CFAP61: variants seen among roughly 807,000 people sequenced by gnomAD.
CFAP61 encodes cilia and flagella associated protein 61, also known as cilia- and flagella-associated protein 61.
A neutral mutation model predicts 135.6 loss-of-function variants in CFAP61; 107 were observed. The ratio of observed to expected loss-of-function variants is 0.79; its 90% CI spans 0.67 to 0.93. The LOEUF (loss-of-function observed/expected upper bound fraction) is 0.93, where lower values mean the gene tolerates loss of function less well. Among genes scored for constraint, CFAP61 ranks in the 40% least tolerant of loss-of-function variants. The pLI, the probability that CFAP61 is intolerant of heterozygous loss-of-function variation, is 0.00. For missense variants in CFAP61, 1,507 were observed against 1,556.2 expected, an observed-to-expected ratio of 0.97 and a Z score of 0.53; for synonymous variants, 575 against 578.5, an observed-to-expected ratio of 0.99 and a Z score of 0.09.
At chr20:20,314,477 T>C (rs953092777) in intron 25 of CFAP61, among the ~76,000 whole-genome samples, 5 of 151,326 alleles carry the variant, frequency 3.3e-5, no homozygotes, top group Admixed American at 6.6e-5. Flanking sequence ...CAAACCTTGC[T>C]GAGTGATGCT....
chr20:20,191,304 A>G lies in CFAP61; in HGVS notation c.1513-38A>G, dbSNP rs777694183. On this transcript the variant is annotated intron_variant, in intron 14 of 26. Coordinates refer to ENST00000245957, the MANE Select transcript of CFAP61 (RefSeq NM_015585.4). ...TGCTTACAAAAACATTCATAGCCATATTTTTAAGGGTCTTAAAATATATGC... is the reference window on the plus strand; with the variant it reads ...TGCTTACAAAAACATTCATAGCCATGTTTTTAAGGGTCTTAAAATATATGC... The G allele has an allele frequency of 1.3e-5, 20 of 1,556,616 alleles. 1 individual carries two copies. In the South Asian group the frequency reaches 1.8e-4, roughly 14 times the overall value.
rs1353578503 is a variant in CFAP61 at position 20,159,359 on chromosome 20, A to G, written c.952-11A>G. On this transcript the variant is annotated splice_polypyrimidine_tract_variant and intron_variant, in intron 9 of 26. Coordinates refer to ENST00000245957, the MANE Select transcript of CFAP61 (RefSeq NM_015585.4). ...CGATTAATTTTCATGTTTTGCTGTC[A>G]TCATTTCCAGGGAAATATTGCCAGA... 6 of 1,613,648 alleles carry G rather than the reference A, an allele frequency of 3.7e-6. No individual in the cohort carries two copies. Among genetic ancestry groups the G allele is most frequent in the Admixed American group, 1.7e-5 (1 of 60,018 alleles).
chr20:20,055,649 T>G (rs993222167), intron 1 of CFAP61, among the ~76,000 whole-genome samples: 2 of 152,226 alleles, frequency 1.3e-5, no homozygotes, highest in Non-Finnish European at 2.9e-5. Flanking sequence ...CCTTATTTTA[T>G]TCAGAATTTT....
At chr20:20,211,025 C>A (rs2047597263) in intron 17 of CFAP61, among the ~76,000 whole-genome samples, 1 of 152,150 alleles carries the variant, frequency 6.6e-6, no homozygotes, top group Non-Finnish European at 1.5e-5. Flanking sequence ...TCAGGAAAAA[C>A]AACCGAGAAC....
rs533636789 is a variant in CFAP61, at chr20:20,171,485, CCTTCCATTGTGA to C, written c.1385+2028_1385+2039del. On this transcript the variant is annotated intron_variant, in intron 13 of 26. Coordinates refer to ENST00000245957, the MANE Select transcript of CFAP61 (RefSeq NM_015585.4). ...AACCTGTAAGTGAAGTTTAATGTGTCCTTCCATTGTGACTGGAGCTAGCAGGTCTCATAGTGT... is the reference window on the plus strand; with the variant it reads ...AACCTGTAAGTGAAGTTTAATGTGTCCTGGAGCTAGCAGGTCTCATAGTGT... Among the ~76,000 whole-genome samples, 25 of 152,248 alleles carry C rather than the reference CCTTCCATTGTGA, an allele frequency of 1.6e-4. No individual in the cohort carries two copies. The East Asian group carries it at 4.4e-3, about 27-fold the overall frequency.
At chr20:20,240,130 C>A (rs1163637773) in intron 18 of CFAP61, among the ~76,000 whole-genome samples, 3 of 152,102 alleles carry the variant, frequency 2.0e-5, no homozygotes, top group Non-Finnish European at 4.4e-5. Flanking sequence ...ATTTGACACC[C>A]CCCTGGAGCA....
chr20:20,075,268 C>T lies in CFAP61; in HGVS notation c.439+12C>T, dbSNP rs368302962. On this transcript the variant is annotated intron_variant, in intron 5 of 26. Transcript: ENST00000245957. The stretch of plus-strand genomic sequence containing the variant: ...CTACATGAGCCTAGGTAAGGCCCGC[C>T]CAACCACCTCTGGTCCCCGGTAGCA... 5.6e-6 allele frequency: 9 copies of T among 1,612,996 alleles called. No homozygotes were observed. In the African/African-American group the frequency reaches 1.1e-4, roughly 19 times the overall value.
intron 17 of CFAP61, among the ~76,000 whole-genome samples, chr20:20,204,359 C>T (rs557974959): frequency 2.3e-4 from 35 of 152,112 alleles, no homozygotes; most frequent in East Asian, 5.8e-4. Flanking sequence ...AGAAAAATGA[C>T]GGCTTATGGA....
At chr20:20,280,949 G>A (rs1353410542) in intron 22 of CFAP61, among the ~76,000 whole-genome samples, 3 of 151,956 alleles carry the variant, frequency 2.0e-5, no homozygotes, top group African/African-American at 7.2e-5. Flanking sequence ...TTTAATTTGT[G>A]CTTTCCTGAC....
chr20:20,180,688 C>G (rs909900282), intron 13 of CFAP61, among the ~76,000 whole-genome samples: 7 of 152,222 alleles, frequency 4.6e-5, no homozygotes, highest in Admixed American at 4.6e-4. Flanking sequence ...ATAAATCATT[C>G]TAAGGACACA....
At chr20:20,063,294 C>T (rs569175579) in intron 2 of CFAP61, among the ~76,000 whole-genome samples, 6 of 152,140 alleles carry the variant, frequency 3.9e-5, no homozygotes, top group African/African-American at 9.6e-5. Flanking sequence ...GGAAAGTTAA[C>T]GGCCAATCTC....
At chr20:20,296,311 CTT>C (rs1601870969) in intron 24 of CFAP61, among the ~76,000 whole-genome samples, 1 of 78,848 alleles carries the variant, frequency 1.3e-5, no homozygotes, top group South Asian at 5.0e-4. Flanking sequence ...TCCTTCCTTC[CTT>C]CCCTCCTTCC....
In CFAP61 at chr20:20,195,971, C is replaced by T. The variant is rs1450656290; in HGVS notation, c.1591-599C>T. ...TGGTGGGCGCCTGAAATCCCAGCTACTTGGGAGGCTGAGGTGGGAGGATCT... is the reference window on the plus strand; with the variant it reads ...TGGTGGGCGCCTGAAATCCCAGCTATTTGGGAGGCTGAGGTGGGAGGATCT... On this transcript the variant is annotated intron_variant, in intron 15 of 26. Transcript: ENST00000245957. Among the ~76,000 whole-genome samples, 3 of 152,254 alleles carry T rather than the reference C, an allele frequency of 2.0e-5. No individual in the cohort carries two copies. The East Asian group carries it at 5.8e-4, about 29-fold the overall frequency.
At position 20,057,099 on chromosome 20, in the gene CFAP61, AGAGC is replaced by A. The variant is rs1208027539; in HGVS notation, c.143+305_143+308del. ...GCCACTGCACTCCAGCCTGGATGAC[AGAGC>A]GGACCCCTGTCTCAATTAAAAAAAA... is the stretch of plus-strand genomic sequence containing the variant. On this transcript the variant is annotated intron_variant, in intron 2 of 26. Transcript: ENST00000245957. Among the ~76,000 whole-genome samples the A allele has an allele frequency of 3.3e-5, 5 of 150,232 alleles. No homozygotes were observed. The Admixed American group carries it at 3.3e-4, about 10-fold the overall frequency.
At chr20:20,340,528 A>G (rs2058399949) in intron 25 of CFAP61, among the ~76,000 whole-genome samples, 1 of 152,086 alleles carries the variant, frequency 6.6e-6, no homozygotes, top group Admixed American at 6.6e-5. Flanking sequence ...TCCCTCTCTG[A>G]AGCAGACGAT....
chr20:20,076,904 T>C (rs537790475), intron 6 of CFAP61, among the ~76,000 whole-genome samples: 2 of 152,226 alleles, frequency 1.3e-5, no homozygotes, highest in African/African-American at 4.8e-5. Context: ...CCTCTGTCAG[T>C]GGGTGTAAGC....
intron 8 of CFAP61, among the ~76,000 whole-genome samples, chr20:20,131,856 C>A (rs1054893581): frequency 6.6e-6 from 1 of 151,890 alleles, no homozygotes; most frequent in African/African-American, 2.4e-5. Flanking sequence ...TTTGAAATTT[C>A]ATTTTATATA....
chr20:20,169,697 A>G (rs2054084906), intron 13 of CFAP61, among the ~76,000 whole-genome samples: 1 of 152,262 alleles, frequency 6.6e-6, no homozygotes, highest in Non-Finnish European at 1.5e-5. Flanking sequence ...AGACAATGCC[A>G]TGTTGACAGA....
intron 8 of CFAP61, among the ~76,000 whole-genome samples, chr20:20,112,021 C>T (rs2048834540): frequency 6.6e-6 from 1 of 152,066 alleles, no homozygotes; most frequent in Non-Finnish European, 1.5e-5. Flanking sequence ...CATGGGTTTC[C>T]TTTTGTTGAA....
Sources: allele counts gnomAD v4.1 joint callset (sites outside exome capture counted in the v4.1 genomes callset), GRCh38; gene constraint gnomAD v4.1.1; transcripts MANE v1.5; gene names NCBI Gene and HGNC (gene_info 2026-07-23, HGNC 2026-07-21).